B3GALT1: variants seen among roughly 807,000 people sequenced by gnomAD.
The protein encoded by B3GALT1 is beta-1,3-galactosyltransferase 1.
Under a neutral mutation model 23.2 loss-of-function variants are expected in B3GALT1, and 10 were observed. The ratio of observed to expected loss-of-function variants is 0.43; its 90% CI spans 0.27 to 0.73. The LOEUF is 0.73. B3GALT1 is among the 30% of genes least tolerant of loss of function. B3GALT1 has a pLI of 0.21. For missense variants in B3GALT1, 299 were observed against 405.4 expected, an observed-to-expected ratio of 0.74 and a Z score of 2.25; for synonymous variants, 156 against 141.5, an observed-to-expected ratio of 1.10 and a Z score of -0.73.
Position 167,482,788 on chromosome 2 carries a change from T to C in B3GALT1, c.-510-7389T>C, listed in dbSNP as rs938345277. The stretch of plus-strand genomic sequence containing the variant: ...CCAGGAGGCAGAGGTTGCAGTGAGC[T>C]GAGATGGCGCCACTGCACTCCAGCC... On this transcript the variant is annotated intron_variant, in intron 1 of 4. Transcript: ENST00000392690. Among the ~76,000 whole-genome samples the C allele has an allele frequency of 2.6e-5, 4 of 151,948 alleles. No homozygotes were observed. The East Asian group carries it at 7.8e-4, about 30-fold the overall frequency.
chr2:167,394,000 C>A (rs1161016817), intron 1 of B3GALT1, among the ~76,000 whole-genome samples: 1 of 152,166 alleles, frequency 6.6e-6, no homozygotes, highest in Non-Finnish European at 1.5e-5. Flanking sequence ...GCTCACATTG[C>A]AGAAACGTCT....
rs181830800 is a variant in B3GALT1, at chr2:167,755,970, G to A, written c.-351-62702G>A. Among the ~76,000 whole-genome samples, 715 of 151,894 alleles carry A rather than the reference G, an allele frequency of 4.7e-3. 2 individuals carry two copies. The highest frequency in any genetic ancestry group is 6.9e-3 in the Non-Finnish European group (467 of 67,930). ...AGCCTGGGCAACAGAGTGAGACCTC[G>A]TCTCTTAAAAAAACAAAAAATAAAA... On this transcript the variant is annotated intron_variant, in intron 3 of 4. Coordinates refer to ENST00000392690, the MANE Select transcript of B3GALT1 (RefSeq NM_020981.4).
At chr2:167,729,344 A>C (rs1038745397) in intron 3 of B3GALT1, among the ~76,000 whole-genome samples, 4 of 152,218 alleles carry the variant, frequency 2.6e-5, no homozygotes, top group Non-Finnish European at 4.4e-5. Context: ...CACACTCATT[A>C]CTATGCTTCC....
intron 4 of B3GALT1, among the ~76,000 whole-genome samples, chr2:167,835,487 C>G (rs916339914): frequency 6.6e-6 from 1 of 152,226 alleles, no homozygotes; most frequent in Non-Finnish European, 1.5e-5. Context: ...GGGAGGGGCA[C>G]CCACCATTGC....
chr2:167,828,016 G>C (rs1034365332), intron 4 of B3GALT1, among the ~76,000 whole-genome samples: 27 of 152,162 alleles, frequency 1.8e-4, no homozygotes, highest in Non-Finnish European at 3.5e-4. Flanking sequence ...AGAACACACA[G>C]AATTAAGTAA....
chr2:167,474,607 A>G (rs1699466042), intron 1 of B3GALT1, among the ~76,000 whole-genome samples: 1 of 152,094 alleles, frequency 6.6e-6, no homozygotes, highest in South Asian at 2.1e-4. Flanking sequence ...TTTTTCTTAA[A>G]CAGGAACCCC....
intron 1 of B3GALT1, among the ~76,000 whole-genome samples, chr2:167,338,446 G>C (rs146018869): frequency 6.8e-6 from 1 of 147,340 alleles, no homozygotes; most frequent in African/African-American, 2.5e-5. Context: ...AAGACAAACA[G>C]ATACATGGTC....
intron 2 of B3GALT1, among the ~76,000 whole-genome samples, chr2:167,526,904 G>C (rs565272129): frequency 6.6e-6 from 1 of 151,438 alleles, no homozygotes; most frequent in South Asian, 2.1e-4. Context: ...TTTCCTTTCA[G>C]AATTTTTTCT....
chr2:167,808,820 A>G (rs1337861068), intron 3 of B3GALT1, among the ~76,000 whole-genome samples: 2 of 152,062 alleles, frequency 1.3e-5, no homozygotes, highest in Non-Finnish European at 2.9e-5. Flanking sequence ...CCCGAATTTG[A>G]ATGTTGGCCT....
Position 167,870,428 on chromosome 2 carries a change from C to G in B3GALT1, c.*408C>G, listed in dbSNP as rs1471485461. On this transcript the variant is annotated 3_prime_UTR_variant, in exon 5 of 5. Transcript: ENST00000392690. The stretch of plus-strand genomic sequence containing the variant: ...AAGCAATTCAGAAAGGATGCACAGT[C>G]AGGAAGACACACTGGATGTGATTAT... 3.9e-5 allele frequency: 7 copies of G among 177,754 alleles called. No homozygotes were observed. Among genetic ancestry groups the G allele is most frequent in the African/African-American group, 1.7e-4 (7 of 41,662 alleles). 11.0% of individuals were successfully genotyped at this position (177,754 alleles called of 1,614,324 possible). A position where few individuals can be genotyped will look rare whatever the true frequency, so the allele number is the denominator to read the frequency against.
Position 167,873,684 on chromosome 2 carries a change from G to A in B3GALT1, c.*3664G>A, listed in dbSNP as rs1317493763. The A allele has an allele frequency of 1.3e-5, 2 of 152,252 alleles. No individual in the cohort carries two copies. The highest frequency in any genetic ancestry group is 1.5e-5 in the Non-Finnish European group (1 of 68,014). 9.4% of individuals were successfully genotyped at this position (152,252 alleles called of 1,614,324 possible). ...GCTTGTTGATGATAATTGACATTTA[G>A]GTATAACGTCATATATGAATGATTG... On this transcript the variant is annotated 3_prime_UTR_variant, in exon 5 of 5. Transcript: ENST00000392690.
intron 1 of B3GALT1, among the ~76,000 whole-genome samples, chr2:167,428,094 C>T (rs535381587): frequency 6.6e-5 from 10 of 152,136 alleles, no homozygotes; most frequent in East Asian, 5.8e-4. Flanking sequence ...TAAGTGTTAT[C>T]GAGCCACACA....
intron 2 of B3GALT1, among the ~76,000 whole-genome samples, chr2:167,582,749 A>G (rs1463321707): frequency 6.6e-6 from 1 of 152,144 alleles, no homozygotes; most frequent in Non-Finnish European, 1.5e-5. Context: ...GATTCATCCA[A>G]GCCCATCCCT....
chr2:167,802,302 T>C (rs986950416), intron 3 of B3GALT1, among the ~76,000 whole-genome samples: 8 of 152,222 alleles, frequency 5.3e-5, no homozygotes, highest in African/African-American at 1.9e-4. Flanking sequence ...TCTCAGCATC[T>C]GAACTTAAGC....
At chr2:167,732,270 T>C (rs1318064014) in intron 3 of B3GALT1, among the ~76,000 whole-genome samples, 1 of 152,220 alleles carries the variant, frequency 6.6e-6, no homozygotes, top group African/African-American at 2.4e-5. Context: ...TAAGCTTTAT[T>C]GATATTGTAA....
chr2:167,470,463 T>C (rs1245457777), intron 1 of B3GALT1, among the ~76,000 whole-genome samples: 1 of 152,216 alleles, frequency 6.6e-6, no homozygotes, highest in Non-Finnish European at 1.5e-5. Flanking sequence ...TGCAATTTAT[T>C]GGAATACTGT....
chr2:167,524,719 A>T (rs1218301513), intron 2 of B3GALT1, among the ~76,000 whole-genome samples: 1 of 152,216 alleles, frequency 6.6e-6, no homozygotes, highest in Non-Finnish European at 1.5e-5. Context: ...CTCCCAGAAG[A>T]CAAACACCTT....
intron 3 of B3GALT1, among the ~76,000 whole-genome samples, chr2:167,656,474 T>C (rs778459293): frequency 1.3e-5 from 2 of 152,150 alleles, no homozygotes; most frequent in African/African-American, 4.8e-5. Context: ...TTTTACAAAG[T>C]ATTAACAACT....
At chr2:167,448,522 C>T (rs942335636) in intron 1 of B3GALT1, among the ~76,000 whole-genome samples, 7 of 152,094 alleles carry the variant, frequency 4.6e-5, no homozygotes, top group African/African-American at 7.2e-5. Context: ...CGTCCTTTGT[C>T]AGATGTATAG....
Sources: allele counts gnomAD v4.1 joint callset (sites outside exome capture counted in the v4.1 genomes callset), GRCh38; gene constraint gnomAD v4.1.1; transcripts MANE v1.5; gene names NCBI Gene and HGNC (gene_info 2026-07-23, HGNC 2026-07-21).